BCOR: variants seen among roughly 807,000 people sequenced by gnomAD.
BCOR encodes the protein BCL6 corepressor, also known as BCL-6 corepressor.
A neutral mutation model predicts 86.7 loss-of-function variants in BCOR; 10 were observed. The observed-to-expected ratio is 0.12, with a 90% CI of 0.07 to 0.20. BCOR has a LOEUF of 0.20. Ranked by LOEUF, BCOR falls within the 10% of genes least tolerant of loss-of-function variation. The pLI, the probability that BCOR is intolerant of heterozygous loss-of-function variation, is 1.00. For missense variants in BCOR, 1,259 were observed against 1,452.1 expected, an observed-to-expected ratio of 0.87 and a Z score of 2.16; for synonymous variants, 611 against 609.0, an observed-to-expected ratio of 1.00 and a Z score of -0.05.
intron 1 of BCOR, among the ~76,000 whole-genome samples, chrX:40,124,914 T>C (rs1304949425): frequency 9.1e-6 from 1 of 109,889 alleles, no homozygotes; most frequent in Non-Finnish European, 1.9e-5. Flanking sequence ...TGTACAGAGC[T>C]ATGAAAATAA....
chrX:40,173,679 C>T (rs1466795077), intron 1 of BCOR, among the ~76,000 whole-genome samples: 2 of 112,490 alleles, frequency 1.8e-5, no homozygotes, highest in East Asian at 5.6e-4. Flanking sequence ...TAGCAAGTTC[C>T]GTCAGGGCTC....
At chrX:40,119,358 A>C (rs1318074305) in intron 1 of BCOR, among the ~76,000 whole-genome samples, 3 of 108,888 alleles carry the variant, frequency 2.8e-5, no homozygotes, top group Non-Finnish European at 3.8e-5. Context: ...AAGTGGGCAA[A>C]GGTTTTAATC....
At chrX:40,063,110 G>GGGGGA in intron 8 of BCOR, 39 bp from the exon 9 acceptor site, 5 of 644,543 alleles carry the variant, frequency 7.8e-6, no homozygotes, top group Non-Finnish European at 1.1e-5. Context: ...GGGCGGATGG[G>GGGGGA]AGACGGGAGA....
At chrX:40,095,264 G>A (rs1238836746) in intron 1 of BCOR, among the ~76,000 whole-genome samples, 2 of 112,175 alleles carry the variant, frequency 1.8e-5, no homozygotes, top group Non-Finnish European at 1.9e-5. Context: ...CAAGGAACGA[G>A]CGTATTCCCT....
In BCOR at chrX:40,147,793, A is replaced by T. The variant is rs748346147; in HGVS notation, c.-41+29214T>A. Among the ~76,000 whole-genome samples, 8 of 113,048 alleles carry T rather than the reference A, an allele frequency of 7.1e-5. No individual in the cohort carries two copies. In the East Asian group the frequency reaches 2.0e-3, roughly 28 times the overall value. On this transcript the variant is annotated intron_variant, in intron 1 of 14. Coordinates refer to the BCOR transcript ENST00000342274. ...GCCAGGCCCAGCCTGGCATAGCCCC[A>T]TTCTCACGCCTAAGGACGCGGACAC... is the stretch of plus-strand genomic sequence containing the variant.
chrX:40,064,301 C>A (rs777455111), intron 7 of BCOR, 35 bp downstream of exon 7: 2 of 1,208,360 alleles, frequency 1.7e-6, no homozygotes, highest in Admixed American at 2.2e-5. Flanking sequence ...CAAAGGCCCA[C>A]CCCCCGGCAG....
At chrX:40,113,178 C>CTTAT (rs57583546) in intron 1 of BCOR, among the ~76,000 whole-genome samples, 6,477 of 101,512 alleles carry the variant, frequency 0.064, 368 homozygotes, top group African/African-American at 0.16. Context: ...CTAGAAAGAT[C>CTTAT]TTATTTATTT....
At chrX:40,090,518 G>C (rs1936558710) in intron 1 of BCOR, among the ~76,000 whole-genome samples, 1 of 112,296 alleles carries the variant, frequency 8.9e-6, no homozygotes, top group East Asian at 2.8e-4. Context: ...CCCAAGTCCC[G>C]GGCACCGCTA....
chrX:40,107,807 T>C (rs1937221096), intron 1 of BCOR, among the ~76,000 whole-genome samples: 1 of 113,125 alleles, frequency 8.8e-6, no homozygotes. Context: ...GCGCCCCTCC[T>C]CCTCCCGCCC....
At chrX:40,154,387 G>A (rs1426838089) in intron 1 of BCOR, among the ~76,000 whole-genome samples, 3 of 112,042 alleles carry the variant, frequency 2.7e-5, no homozygotes, top group Non-Finnish European at 3.8e-5. Context: ...CTCCCTGCTC[G>A]CTCGCTCTCG....
At chrX:40,140,479 C>G (rs1937898305) in intron 1 of BCOR, among the ~76,000 whole-genome samples, 1 of 111,037 alleles carries the variant, frequency 9.0e-6, no homozygotes, top group Non-Finnish European at 1.9e-5. Context: ...AACAAACAAA[C>G]AAACAAACAA....
At chrX:40,105,892 A>G (rs775884384) in intron 1 of BCOR, among the ~76,000 whole-genome samples, 1 of 112,473 alleles carries the variant, frequency 8.9e-6, no homozygotes, top group Non-Finnish European at 1.9e-5. Context: ...GGTCGTTCAT[A>G]AAACAGATGG....
chrX:40,164,513 A>G (rs1469191750), intron 1 of BCOR, among the ~76,000 whole-genome samples: 2 of 112,151 alleles, frequency 1.8e-5, no homozygotes, highest in African/African-American at 6.5e-5. Context: ...AAATCCCTGT[A>G]GGACAGTGAC....
intron 1 of BCOR, among the ~76,000 whole-genome samples, chrX:40,093,951 G>A (rs750570865): frequency 1.6e-4 from 18 of 111,365 alleles, no homozygotes; most frequent in South Asian, 1.5e-3. Context: ...AGATCATCTA[G>A]CAGCTGCGTT....
intron 10 of BCOR, 86 bp from the exon 11 acceptor site, chrX:40,057,407 C>T (rs1419865077): frequency 8.0e-6 from 8 of 994,937 alleles, no homozygotes; most frequent in Non-Finnish European, 9.8e-6. Flanking sequence ...CAAAGACATA[C>T]ACCCTCAGGC....
intron 1 of BCOR, among the ~76,000 whole-genome samples, chrX:40,169,823 G>A (rs1008874716): frequency 9.0e-6 from 1 of 111,379 alleles, no homozygotes; most frequent in Non-Finnish European, 1.9e-5. Flanking sequence ...CGGGAGCCAG[G>A]GCGGGGACGG....
At chrX:40,070,921 G>A in intron 6 of BCOR, 52 bp downstream of exon 6, 1 of 1,143,015 alleles carries the variant, frequency 8.7e-7, no homozygotes, top group South Asian at 1.8e-5. Flanking sequence ...TCTCCAAGCA[G>A]ATGCCAACCG....
chrX:40,103,906 T>G (rs1236503295), intron 1 of BCOR, among the ~76,000 whole-genome samples: 2 of 111,484 alleles, frequency 1.8e-5, no homozygotes, highest in Non-Finnish European at 3.8e-5. Flanking sequence ...AAAAATGCTC[T>G]TTTCGAAAAC....
intron 1 of BCOR, among the ~76,000 whole-genome samples, chrX:40,116,597 A>T (rs984620749): frequency 9.0e-6 from 1 of 111,676 alleles, no homozygotes; most frequent in Non-Finnish European, 1.9e-5. Context: ...GCTTGCCTGG[A>T]AGCTCACTGC....
Sources: gnomAD v4.1 joint callset for allele counts (sites outside exome capture counted in the v4.1 genomes callset) on GRCh38, gnomAD v4.1.1 for gene constraint, MANE v1.5 for transcripts, NCBI Gene and HGNC (gene_info 2026-07-23, HGNC 2026-07-21) for gene names.